The following ZNF385B variants were observed in gnomAD, a reference collection of about 807,000 sequenced individuals.
ZNF385B encodes zinc finger protein 385B.
Under a neutral mutation model 39.2 loss-of-function variants are expected in ZNF385B, and 23 were observed. The ratio of observed to expected loss-of-function variants is 0.59; its 90% confidence interval spans 0.42 to 0.83. ZNF385B has a LOEUF of 0.83. Among genes scored for constraint, ZNF385B ranks in the 40% least tolerant of loss-of-function variants. ZNF385B has a pLI of 0.00. For missense variants in ZNF385B, 552 were observed against 598.9 expected (o/e 0.92, Z 0.82); for synonymous variants, 205 against 222.6 (o/e 0.92, Z 0.70).
intron 3 of ZNF385B, among the ~76,000 whole-genome samples, chr2:179,588,309 C>G (rs374978337): frequency 2.6e-5 from 4 of 152,138 alleles, no homozygotes; most frequent in African/African-American, 9.7e-5. Context: ...AGCATGGTCT[C>G]AATCTCCTGA....
chr2:179,590,101 T>C (rs1305306170), intron 3 of ZNF385B, among the ~76,000 whole-genome samples: 1 of 152,196 alleles, frequency 6.6e-6, no homozygotes, highest in Admixed American at 6.5e-5. Context: ...TCTCTGATCT[T>C]CTGCTGCCAT....
At chr2:179,791,189 C>G (rs1705306319) in intron 1 of ZNF385B, among the ~76,000 whole-genome samples, 1 of 152,188 alleles carries the variant, frequency 6.6e-6, no homozygotes, top group African/African-American at 2.4e-5. Flanking sequence ...GAACATTTTT[C>G]CTTTTTTGTT....
At chr2:179,710,192 A>AT (rs1699901859) in intron 3 of ZNF385B, among the ~76,000 whole-genome samples, 1 of 152,092 alleles carries the variant, frequency 6.6e-6, no homozygotes, top group Admixed American at 6.5e-5. Context: ...TGCATGTCTC[A>AT]TCACCCCAGC....
intron 4 of ZNF385B, 39 bp from the exon 5 acceptor site, chr2:179,518,677 A>G: frequency 7.4e-7 from 1 of 1,344,164 alleles, no homozygotes; most frequent in East Asian, 2.4e-5. Context: ...TTGTAACTTC[A>G]AAGAAAAGAC....
intron 3 of ZNF385B, among the ~76,000 whole-genome samples, chr2:179,693,707 G>A (rs1698521368): frequency 6.6e-6 from 1 of 152,086 alleles, no homozygotes; most frequent in East Asian, 1.9e-4. Context: ...ATAATCACAG[G>A]TACGAACAGA....
intron 6 of ZNF385B, among the ~76,000 whole-genome samples, chr2:179,473,411 G>C (rs774846251): frequency 6.6e-6 from 1 of 152,132 alleles, no homozygotes; most frequent in Non-Finnish European, 1.5e-5. Flanking sequence ...TACTTTTTAT[G>C]GCTACCAATT....
chr2:179,829,229 G>A (rs149475074), intron 1 of ZNF385B, among the ~76,000 whole-genome samples: 1 of 152,058 alleles, frequency 6.6e-6, no homozygotes, highest in South Asian at 2.1e-4. Context: ...TCTTCATAGT[G>A]AAGAGACTAT....
intron 6 of ZNF385B, among the ~76,000 whole-genome samples, chr2:179,467,233 T>G (rs1452023070): frequency 1.3e-5 from 2 of 152,260 alleles, no homozygotes; most frequent in East Asian, 3.9e-4. Flanking sequence ...AGATGCCTCA[T>G]TTAAACTTGG....
Position 179,490,800 on chromosome 2 carries a change from T to C in ZNF385B, c.553-7366A>G, listed in dbSNP as rs114171024. Among the ~76,000 whole-genome samples, 877 of 152,266 alleles carry C rather than the reference T, an allele frequency of 5.8e-3. 6 individuals carry two copies. The highest frequency in any genetic ancestry group is 0.02 in the African/African-American group (831 of 41,548). The stretch of plus-strand genomic sequence containing the variant: ...TCTTCCCCTAGATATTCACTGATGC[T>C]ATATGTTACTAGTTTGGGGTTGAGT... On this transcript the variant is annotated intron_variant, in intron 5 of 9. Coordinates refer to ENST00000410066, the MANE Select transcript of ZNF385B (RefSeq NM_152520.6).
At chr2:179,826,325 A>T (rs1707680900) in intron 1 of ZNF385B, among the ~76,000 whole-genome samples, 1 of 152,204 alleles carries the variant, frequency 6.6e-6, no homozygotes, top group African/African-American at 2.4e-5. Flanking sequence ...AAATAAAACA[A>T]CAACAAAGCA....
At chr2:179,808,027 TTTTG>T (rs147482504) in intron 1 of ZNF385B, among the ~76,000 whole-genome samples, 13,679 of 151,286 alleles carry the variant, frequency 0.09, 688 homozygotes, top group African/African-American at 0.12. Context: ...ATATAATTCT[TTTTG>T]TTTGTTTGTT....
chr2:179,475,579 C>T (rs1001491510), intron 6 of ZNF385B, among the ~76,000 whole-genome samples: 4 of 151,426 alleles, frequency 2.6e-5, no homozygotes, highest in African/African-American at 9.7e-5. Flanking sequence ...CAGTGCTGGT[C>T]TATAGAAATG....
intron 3 of ZNF385B, among the ~76,000 whole-genome samples, chr2:179,561,019 A>G (rs1171708372): frequency 6.6e-6 from 1 of 152,220 alleles, no homozygotes; most frequent in Non-Finnish European, 1.5e-5. Context: ...TGAGTGCACC[A>G]TAGAATTTTA....
chr2:179,630,947 A>C (rs1691145059), intron 3 of ZNF385B, among the ~76,000 whole-genome samples: 1 of 152,228 alleles, frequency 6.6e-6, no homozygotes, highest in African/African-American at 2.4e-5. Context: ...GAATGAAATA[A>C]AGTGAGAAGA....
rs1478482319 is a variant in ZNF385B at position 179,814,198 on chromosome 2, G to C, written c.-154-43526C>G. On this transcript the variant is annotated intron_variant, in intron 1 of 9. Transcript: ENST00000410066. ...GTGAGGGGCCGGCTGTGCTTCTCAC[G>C]CAGGGCCCTCATTGGCACCTGGCCT... 8 of 173,826 alleles carry C rather than the reference G, an allele frequency of 4.6e-5. No individual in the cohort carries two copies. In the South Asian group the frequency reaches 9.4e-4, roughly 20 times the overall value. The allele number at this position is 173,826 out of a possible 1,614,324, so 10.8% of individuals were successfully genotyped here.
intron 3 of ZNF385B, among the ~76,000 whole-genome samples, chr2:179,616,923 T>G (rs2106150510): frequency 6.6e-6 from 1 of 152,244 alleles, no homozygotes. Flanking sequence ...TATTTCTTGC[T>G]GTGACTCTCA....
intron 1 of ZNF385B, among the ~76,000 whole-genome samples, chr2:179,775,779 T>C (rs1704276918): frequency 6.6e-6 from 1 of 152,232 alleles, no homozygotes; most frequent in African/African-American, 2.4e-5. Flanking sequence ...TATTCTGTAA[T>C]GGAGACTCTG....
chr2:179,608,842 C>CTGTGTGTG (rs60633100), intron 3 of ZNF385B, among the ~76,000 whole-genome samples: 10 of 134,620 alleles, frequency 7.4e-5, no homozygotes, highest in South Asian at 2.7e-4. Context: ...AGGGCCAAGA[C>CTGTGTGTG]TGTGTGTGTG....
intron 3 of ZNF385B, among the ~76,000 whole-genome samples, chr2:179,558,156 A>C (rs1256660978): frequency 1.3e-5 from 2 of 152,148 alleles, no homozygotes; most frequent in Non-Finnish European, 2.9e-5. Flanking sequence ...TTTGAGATCA[A>C]AGCAGCAGGC....
Sources: gnomAD v4.1 joint callset for allele counts (sites outside exome capture counted in the v4.1 genomes callset) on GRCh38, gnomAD v4.1.1 for gene constraint, MANE v1.5 for transcripts, NCBI Gene and HGNC (gene_info 2026-07-23, HGNC 2026-07-21) for gene names.